Variants in MYO9B observed in about 807,000 individuals in gnomAD.
MYO9B encodes the protein myosin IXB.
A neutral mutation model predicts 229.5 loss-of-function variants in MYO9B; 71 were observed. The ratio of observed to expected loss-of-function variants is 0.31; its 90% CI spans 0.26 to 0.38. MYO9B has a LOEUF of 0.38. Among genes scored for constraint, MYO9B ranks in the 10% least tolerant of loss-of-function variants. MYO9B has a pLI of 1.00. For synonymous variants in MYO9B, 1,185 were observed against 1,235.8 expected (o/e 0.96, Z 0.86); for missense variants, 2,255 against 2,920.5 (o/e 0.77, Z 5.25).
chr19:17,212,156 T>C lies in MYO9B; in HGVS notation c.6320T>C (p.Ile2107Thr). Residue 2107 changes from isoleucine (I) to threonine (T), a missense_variant, in exon 40 of 40, where the codon ATA becomes ACA. Ile to Thr is a moderately conservative substitution (Grantham distance 89). This residue lies in a region of MYO9B where 331 missense variants were observed against 332.5 expected (regional missense o/e 1.00). Transcript: ENST00000682292. This position sits in a 1 kb window ranked among gnomAD's most constrained non-coding sequence, Gnocchi z 5.4. ...REPPARRPDQ[I>T]HSVYITPGAD... ...CCACCTGCCCGCCGCCCGGACCAGA[T>C]ACATTCCGTGTACATCACGCCCGGG... 1.9e-6 allele frequency: 3 copies of C among 1,587,434 alleles called. No individual in the cohort carries two copies. Among genetic ancestry groups the C allele is most frequent in the Non-Finnish European group, 1.7e-6 (2 of 1,168,100 alleles).
At chr19:17,087,885 G>A (rs1263274636) in intron 1 of MYO9B, among the ~76,000 whole-genome samples, 1 of 150,784 alleles carries the variant, frequency 6.6e-6, no homozygotes, top group Non-Finnish European at 1.5e-5. Flanking sequence ...AGCCGAGATC[G>A]CGCCATTGCA....
intron 18 of MYO9B, among the ~76,000 whole-genome samples, chr19:17,186,982 C>T: frequency 6.6e-6 from 1 of 152,136 alleles, no homozygotes; most frequent in East Asian, 1.9e-4. Context: ...CCCATTTCAG[C>T]CTCCCAAAGT....
chr19:17,198,942 T>C (rs1458799222), intron 24 of MYO9B, among the ~76,000 whole-genome samples: 1 of 152,152 alleles, frequency 6.6e-6, no homozygotes, highest in East Asian at 1.9e-4. Context: ...AGGTCACGCC[T>C]GTAATCTCAA....
intron 8 of MYO9B, among the ~76,000 whole-genome samples, chr19:17,160,599 C>T (rs1369503122): frequency 6.6e-6 from 1 of 151,166 alleles, no homozygotes; most frequent in Non-Finnish European, 1.5e-5. Context: ...CCTCTGCCTC[C>T]TGGGTTCAAG....
At chr19:17,136,271 G>A (rs965456617) in intron 2 of MYO9B, among the ~76,000 whole-genome samples, 24 of 152,160 alleles carry the variant, frequency 1.6e-4, no homozygotes, top group Non-Finnish European at 2.6e-4. Context: ...GATTTCCTGC[G>A]TGAGCTCCAG....
chr19:17,206,606 G>A, intron 33 of MYO9B, 73 bp from the exon 34 acceptor site: 1 of 1,394,268 alleles, frequency 7.2e-7, no homozygotes, highest in Non-Finnish European at 9.9e-7. Flanking sequence ...TGCATCTCAG[G>A]TCGTGTTGGT....
chr19:17,189,871 G>A (rs1406952517), intron 19 of MYO9B, among the ~76,000 whole-genome samples: 2 of 151,262 alleles, frequency 1.3e-5, no homozygotes, highest in African/African-American at 4.9e-5. Context: ...AGACCATCCT[G>A]GCTACCACGG....
rs545142693 is a variant in MYO9B at position 17,106,956 on chromosome 19, C to T, written c.840+4399C>T. ...CGAGCGCCTATAATCCCAGGTACTT[C>T]GGAGGCTGAGGCAGGAGAATGGCTT... On this transcript the variant is annotated intron_variant, in intron 2 of 39. Coordinates refer to ENST00000682292, the MANE Select transcript of MYO9B (RefSeq NM_004145.4). Among the ~76,000 whole-genome samples, 88 of 152,102 alleles carry T rather than the reference C, an allele frequency of 5.8e-4. 1 individual carries two copies. The highest frequency in any genetic ancestry group is 1.1e-3 in the Non-Finnish European group (74 of 68,026).
At chr19:17,209,492 C>T (rs1682822091) in intron 35 of MYO9B, 94 bp from the exon 36 acceptor site, 20 of 1,394,224 alleles carry the variant, frequency 1.4e-5, no homozygotes, top group Non-Finnish European at 1.9e-5. Flanking sequence ...GAGCCTCAAC[C>T]ACTGCCCCCC....
intron 14 of MYO9B, among the ~76,000 whole-genome samples, chr19:17,179,150 C>T (rs992527029): frequency 2.0e-5 from 3 of 152,146 alleles, no homozygotes; most frequent in East Asian, 1.9e-4. Context: ...CCTCCACCCA[C>T]CAGATGCCAG....
chr19:17,163,083 G>T lies in MYO9B; in HGVS notation c.1632G>T (p.Leu544=), dbSNP rs7256689. The T allele has an allele frequency of 0.67, 1,054,349 of 1,571,134 alleles. 357,626 individuals are homozygous for T. The highest frequency in any genetic ancestry group is 0.92 in the African/African-American group (68,430 of 74,100). The change falls in exon 10 of 40, where the codon CTG becomes CTT. Residue 544 remains leucine, a synonymous_variant. Transcript: ENST00000682292. ...QFCINYANEQ[L]QYYFNQHIFK... is the part of the protein sequence containing the mutation. ...GCATCAACTACGCCAATGAGCAGCTGCAGTATTACTTCAACCAGCACATCT... is the reference window on the plus strand; with the variant it reads ...GCATCAACTACGCCAATGAGCAGCTTCAGTATTACTTCAACCAGCACATCT...
chr19:17,129,567 GGGGAGCCACGGAC>G (rs1408049261), intron 2 of MYO9B, among the ~76,000 whole-genome samples: 1 of 152,222 alleles, frequency 6.6e-6, no homozygotes, highest in Non-Finnish European at 1.5e-5. Context: ...TGGGCCAGGA[GGGGAGCCACGGAC>G]GCGTCAGCCT....
chr19:17,174,670 C>T (rs944114295), intron 13 of MYO9B, among the ~76,000 whole-genome samples: 2 of 151,664 alleles, frequency 1.3e-5, no homozygotes, highest in South Asian at 4.2e-4. Flanking sequence ...CACGGTGGCT[C>T]ACGTCTGTAA....
Position 17,205,335 on chromosome 19 carries a change from A to G in MYO9B, c.5063A>G (p.Lys1688Arg), listed in dbSNP as rs2073148342. Residue 1688 changes from lysine (K) to arginine (R), a missense_variant and splice_region_variant, in exon 31 of 40, where the codon AAG becomes AGG. Transcript: ENST00000682292. ...CACTGCTCCTACACCTACGGGAGGAAGGTGAGTGTACGAGGCCTGGAACTT... is the reference window on the plus strand; with the variant it reads ...CACTGCTCCTACACCTACGGGAGGAGGGTGAGTGTACGAGGCCTGGAACTT... ...QSHCSYTYGR[K>R]GEPGVEPGHF... The G allele has an allele frequency of 6.2e-7, 1 of 1,613,506 alleles. No individual in the cohort carries two copies. Among genetic ancestry groups the G allele is most frequent in the Non-Finnish European group, 8.5e-7 (1 of 1,179,554 alleles).
At chr19:17,100,329 C>T (rs1599322113) in intron 1 of MYO9B, among the ~76,000 whole-genome samples, 1 of 151,734 alleles carries the variant, frequency 6.6e-6, no homozygotes, top group South Asian at 2.1e-4. Context: ...AAAAATTAGC[C>T]GGGTGTGGTG....
intron 2 of MYO9B, among the ~76,000 whole-genome samples, chr19:17,110,002 G>A (rs1471525724): frequency 2.0e-5 from 3 of 152,132 alleles, no homozygotes; most frequent in East Asian, 3.9e-4. Context: ...GTTTGAACCC[G>A]GCCTGAGCCC....
intron 7 of MYO9B, chr19:17,157,329 C>T (rs1001934415): frequency 9.8e-6 from 3 of 306,794 alleles, no homozygotes; most frequent in East Asian, 1.3e-4. Context: ...CCAAGGTGGG[C>T]GGATGACCTG....
At chr19:17,090,097 G>A (rs2057622337) in intron 1 of MYO9B, among the ~76,000 whole-genome samples, 1 of 122,140 alleles carries the variant, frequency 8.2e-6, no homozygotes, top group South Asian at 2.8e-4. Context: ...CCACGTTATA[G>A]CATGAATCGG....
intron 2 of MYO9B, among the ~76,000 whole-genome samples, chr19:17,111,728 C>G (rs1197581391): frequency 1.3e-5 from 2 of 152,174 alleles, no homozygotes; most frequent in Non-Finnish European, 2.9e-5. Context: ...CTATGCAGTT[C>G]CAGAACATTT....
Sources: gnomAD v4.1 joint callset for allele counts (sites outside exome capture counted in the v4.1 genomes callset) on GRCh38, gnomAD v4.1.1 for gene constraint, gnomAD v4.1.1 regional missense constraint, Gnocchi (gnomAD v3.1) non-coding constraint, MANE v1.5 for transcripts, NCBI Gene and HGNC (gene_info 2026-07-23, HGNC 2026-07-21) for gene names.